Variants in ANKS1B observed in about 807,000 individuals in gnomAD.
The protein encoded by ANKS1B is ankyrin repeat and sterile alpha motif domain containing 1B, also known as ankyrin repeat and sterile alpha motif domain-containing protein 1B.
A neutral mutation model predicts 148.3 loss-of-function variants in ANKS1B; 36 were observed. The observed-to-expected ratio is 0.24, with a 90% confidence interval of 0.19 to 0.32. ANKS1B has a LOEUF of 0.32. Ranked by LOEUF, ANKS1B falls within the 10% of genes least tolerant of loss-of-function variation. The probability of loss-of-function intolerance (pLI) is 1.00; values close to 1 mark genes in which losing one functional copy is unlikely to be tolerated. For missense variants in ANKS1B, 1,157 were observed against 1,542.6 expected (o/e 0.75, Z 4.19); for synonymous variants, 542 against 560.8 (o/e 0.97, Z 0.47).
intron 1 of ANKS1B, among the ~76,000 whole-genome samples, chr12:99,825,624 G>A (rs958547716): frequency 1.3e-5 from 2 of 152,190 alleles, no homozygotes; most frequent in Non-Finnish European, 2.9e-5. Flanking sequence ...ATTAACAAAT[G>A]TGTGTCCATG....
chr12:99,707,304 T>G (rs543600440), intron 8 of ANKS1B, among the ~76,000 whole-genome samples: 3 of 152,088 alleles, frequency 2.0e-5, no homozygotes, highest in Non-Finnish European at 2.9e-5. Context: ...GATGACTTCA[T>G]TCTGGGCTAC....
intron 17 of ANKS1B, among the ~76,000 whole-genome samples, chr12:98,997,683 G>T (rs895800595): frequency 1.3e-5 from 2 of 152,050 alleles, no homozygotes; most frequent in Non-Finnish European, 2.9e-5. Flanking sequence ...GAGCCACCGC[G>T]CCTGGCCCAG....
chr12:99,235,201 A>G (rs1171195426), intron 14 of ANKS1B, among the ~76,000 whole-genome samples: 1 of 152,172 alleles, frequency 6.6e-6, no homozygotes, highest in Non-Finnish European at 1.5e-5. Context: ...GCTTTGTCCA[A>G]GTGGCACTTT....
intron 5 of ANKS1B, 45 bp from the exon 6 acceptor site, chr12:99,780,017 T>A: frequency 1.6e-6 from 2 of 1,277,656 alleles, no homozygotes; most frequent in South Asian, 1.2e-5. Flanking sequence ...CACTGAAGTA[T>A]CCTCAAAAGA....
chr12:99,318,976 C>T (rs1207944030), intron 12 of ANKS1B, among the ~76,000 whole-genome samples: 12 of 151,974 alleles, frequency 7.9e-5, no homozygotes, highest in Non-Finnish European at 1.2e-4. Flanking sequence ...TGTAGTTGAG[C>T]GGTTTTGAGT....
intron 14 of ANKS1B, among the ~76,000 whole-genome samples, chr12:99,232,048 A>T (rs2086955111): frequency 6.6e-6 from 1 of 152,094 alleles, no homozygotes; most frequent in Admixed American, 6.6e-5. Context: ...CCTGCCCCTC[A>T]GATCCCAGGA....
intron 12 of ANKS1B, among the ~76,000 whole-genome samples, chr12:99,357,747 A>C (rs1184193272): frequency 6.6e-6 from 1 of 152,122 alleles, no homozygotes; most frequent in Non-Finnish European, 1.5e-5. Flanking sequence ...TCATATATAA[A>C]TCACATTACT....
At chr12:99,482,812 A>AT (rs1461746186) in intron 10 of ANKS1B, among the ~76,000 whole-genome samples, 1 of 151,762 alleles carries the variant, frequency 6.6e-6, no homozygotes, top group Admixed American at 6.6e-5. Flanking sequence ...TCTCAGTGTG[A>AT]TCATTGTTGG....
Position 99,835,870 on chromosome 12 carries a change from C to T in ANKS1B, c.135-10481G>A, listed in dbSNP as rs146136248. Reference sequence around the variant, plus strand: ...TGGGTTGATCTGTGTTACAAACCACCATAGCACACGTTTACCTATGTAACA... The same window carrying T: ...TGGGTTGATCTGTGTTACAAACCACTATAGCACACGTTTACCTATGTAACA... On this transcript the variant is annotated intron_variant, in intron 1 of 26. Coordinates refer to ENST00000683438, the MANE Select transcript of ANKS1B (RefSeq NM_001352186.2). Among the ~76,000 whole-genome samples, 1,200 of 152,274 alleles carry T rather than the reference C, an allele frequency of 7.9e-3. 15 individuals carry two copies. Among genetic ancestry groups the T allele is most frequent in the African/African-American group, 0.027 (1,134 of 41,566 alleles).
rs147656659 is a variant in ANKS1B, at chr12:99,139,438, CTTTT to C, written c.2526+14847_2526+14850del. Reference sequence around the variant, plus strand: ...TCTTTCTTTCTTTCTTTCTTTCTTTCTTTTTCTTTCTTTCTTTCTTTCAAGATAG... The same window carrying C: ...TCTTTCTTTCTTTCTTTCTTTCTTTCTCTTTCTTTCTTTCTTTCAAGATAG... On this transcript the variant is annotated intron_variant, in intron 15 of 26. Transcript: ENST00000683438. 8.6e-4 allele frequency among the ~76,000 whole-genome samples: 3 copies of C among 3,492 alleles called. 1 individual carries two copies. In the African/African-American group the frequency reaches 0.015, roughly 17 times the overall value. The allele number at this position is 3,492 out of a possible 152,430, so 2.3% of individuals were successfully genotyped here.
At chr12:99,771,381 G>A (rs974639596) in intron 8 of ANKS1B, among the ~76,000 whole-genome samples, 1 of 151,996 alleles carries the variant, frequency 6.6e-6, no homozygotes. Context: ...TAAAAAATTA[G>A]GGCTTTCAGA....
intron 9 of ANKS1B, among the ~76,000 whole-genome samples, chr12:99,575,420 T>G (rs2097506523): frequency 6.6e-6 from 1 of 152,064 alleles, no homozygotes; most frequent in African/African-American, 2.4e-5. Context: ...AAAGCAGTAC[T>G]GTATTAGTCT....
At chr12:99,626,171 T>TATATA (rs1248731056) in intron 9 of ANKS1B, among the ~76,000 whole-genome samples, 5 of 152,208 alleles carry the variant, frequency 3.3e-5, no homozygotes, top group African/African-American at 4.8e-5. Flanking sequence ...CATATAGTTT[T>TATATA]TAGTTTTCTG....
intron 14 of ANKS1B, among the ~76,000 whole-genome samples, chr12:99,209,597 A>G (rs1314578012): frequency 6.6e-6 from 1 of 152,200 alleles, no homozygotes; most frequent in Non-Finnish European, 1.5e-5. Context: ...GGCCATACAG[A>G]GAGTTCACCA....
chr12:99,633,128 T>A (rs903288197), intron 9 of ANKS1B, among the ~76,000 whole-genome samples: 4 of 151,900 alleles, frequency 2.6e-5, no homozygotes, highest in African/African-American at 7.3e-5. Flanking sequence ...ATGGTGTATA[T>A]GTGCCACATT....
At chr12:98,749,953 T>A (rs1176945053) in intron 26 of ANKS1B, among the ~76,000 whole-genome samples, 1 of 152,082 alleles carries the variant, frequency 6.6e-6, no homozygotes, top group East Asian at 1.9e-4. Flanking sequence ...AAGACAGGGA[T>A]CCAGGCTGAC....
intron 17 of ANKS1B, among the ~76,000 whole-genome samples, chr12:98,903,348 T>A (rs936488479): frequency 2.6e-5 from 4 of 152,070 alleles, no homozygotes; most frequent in African/African-American, 9.7e-5. Context: ...AGTGGACCCA[T>A]GAGCCACTGG....
chr12:99,745,162 T>C (rs1304773566), intron 8 of ANKS1B, among the ~76,000 whole-genome samples: 2 of 143,714 alleles, frequency 1.4e-5, no homozygotes, highest in African/African-American at 2.6e-5. Flanking sequence ...GCTATTCTAA[T>C]ATCTAATTCA....
chr12:99,648,251 G>T, intron 9 of ANKS1B: 1 of 1,614,178 alleles, frequency 6.2e-7, no homozygotes, highest in Non-Finnish European at 8.5e-7. Flanking sequence ...ACCTCCATGG[G>T]GAAGCTGCAG....
Sources: gnomAD v4.1 joint callset for allele counts (sites outside exome capture counted in the v4.1 genomes callset) on GRCh38, gnomAD v4.1.1 for gene constraint, MANE v1.5 for transcripts, NCBI Gene and HGNC (gene_info 2026-07-23, HGNC 2026-07-21) for gene names.